TCF7L1: variants seen among roughly 807,000 people sequenced by gnomAD.
TCF7L1 encodes transcription factor 7 like 1, also known as transcription factor 7-like 1.
In TCF7L1, 18 loss-of-function variants were observed where a neutral mutation model predicts 63.7. The observed-to-expected ratio is 0.28, with a 90% CI of 0.20 to 0.42. The LOEUF is 0.42. Among genes scored for constraint, TCF7L1 ranks in the 10% least tolerant of loss-of-function variants. The pLI is 1.00. For missense variants in TCF7L1, 654 were observed against 779.3 expected (o/e 0.84, Z 1.91); for synonymous variants, 355 against 340.9 (o/e 1.04, Z -0.46).
At chr2:85,284,158 G>GCC (rs1681486878) in intron 4 of TCF7L1, among the ~76,000 whole-genome samples, 1 of 152,180 alleles carries the variant, frequency 6.6e-6, no homozygotes, top group Non-Finnish European at 1.5e-5. Context: ...CTACAGGCAT[G>GCC]TGCCACCACG....
chr2:85,238,067 G>T (rs1392122392), intron 3 of TCF7L1, among the ~76,000 whole-genome samples: 1 of 152,186 alleles, frequency 6.6e-6, no homozygotes, highest in Non-Finnish European at 1.5e-5. Flanking sequence ...TGGCTCAGTT[G>T]AAGCAGATGA....
chr2:85,181,097 T>C (rs781701978), intron 3 of TCF7L1, among the ~76,000 whole-genome samples: 6 of 152,202 alleles, frequency 3.9e-5, no homozygotes, highest in Non-Finnish European at 7.4e-5. Flanking sequence ...CCAGCTGCCC[T>C]GTGACCCCTC....
At chr2:85,217,292 T>A (rs1679732221) in intron 3 of TCF7L1, 1 of 152,222 alleles carries the variant, frequency 6.6e-6, no homozygotes, top group South Asian at 2.1e-4. Flanking sequence ...CCTGGCAAGT[T>A]ATACTGACTT....
At chr2:85,280,942 C>A (rs10206876) in intron 3 of TCF7L1, among the ~76,000 whole-genome samples, 42,804 of 151,622 alleles carry the variant, frequency 0.28, 6,390 homozygotes, top group East Asian at 0.57. Flanking sequence ...ATTTGAAGTC[C>A]AGAGACCTAG....
Position 85,204,556 on chromosome 2 carries a change from T to C in TCF7L1, c.441+70106T>C, listed in dbSNP as rs1350079403. On this transcript the variant is annotated intron_variant, in intron 3 of 11. Coordinates refer to ENST00000282111, the MANE Select transcript of TCF7L1 (RefSeq NM_031283.3). ...AGTATTTGTGCATTTTATTTTATTTTATTTTGTAGAGGCGGGGTCTTACTA... is the reference window on the plus strand; with the variant it reads ...AGTATTTGTGCATTTTATTTTATTTCATTTTGTAGAGGCGGGGTCTTACTA... 2.0e-5 allele frequency among the ~76,000 whole-genome samples: 3 copies of C among 152,310 alleles called. No individual in the cohort carries two copies. The East Asian group carries it at 5.8e-4, about 29-fold the overall frequency.
At chr2:85,165,960 G>A (rs543265296) in intron 3 of TCF7L1, among the ~76,000 whole-genome samples, 1 of 152,264 alleles carries the variant, frequency 6.6e-6, no homozygotes, top group East Asian at 1.9e-4. Flanking sequence ...TGTGTGGACA[G>A]GTCTATGCAG....
rs188072573 is a variant in TCF7L1 at position 85,217,502 on chromosome 2, C to T, written c.442-65993C>T. ...TCACAGCCTGTGTCCCAGCTTCTTC[C>T]CATGGGCACCATGCTCTTCAGCCAT... On this transcript the variant is annotated intron_variant, in intron 3 of 11. Transcript: ENST00000282111. 1.2e-4 allele frequency among the ~76,000 whole-genome samples: 19 copies of T among 152,324 alleles called. No individual in the cohort carries two copies. The East Asian group carries it at 3.7e-3, about 29-fold the overall frequency.
chr2:85,246,177 A>G (rs1245640359), intron 3 of TCF7L1, among the ~76,000 whole-genome samples: 1 of 152,246 alleles, frequency 6.6e-6, no homozygotes, highest in Non-Finnish European at 1.5e-5. Context: ...TCGAGGATGG[A>G]CATCTCAACA....
At chr2:85,186,257 G>A (rs754354213) in intron 3 of TCF7L1, among the ~76,000 whole-genome samples, 3 of 152,040 alleles carry the variant, frequency 2.0e-5, no homozygotes, top group Non-Finnish European at 4.4e-5. Flanking sequence ...GTGAGCCACC[G>A]CGCCCGGCCG....
chr2:85,169,579 A>G (rs72932665), intron 3 of TCF7L1, among the ~76,000 whole-genome samples: 5,948 of 152,020 alleles, frequency 0.039, 389 homozygotes, highest in African/African-American at 0.14. Context: ...TCATTTATCT[A>G]TGTGTGATTG....
intron 3 of TCF7L1, among the ~76,000 whole-genome samples, chr2:85,281,989 C>CT (rs112526651): frequency 0.23 from 34,471 of 151,266 alleles, 6,626 homozygotes; most frequent in African/African-American, 0.52. Context: ...TCAAAGGCTT[C>CT]TTTTTTTTTC....
intron 4 of TCF7L1, among the ~76,000 whole-genome samples, chr2:85,299,673 C>T (rs970691936): frequency 1.3e-5 from 2 of 151,878 alleles, no homozygotes; most frequent in East Asian, 3.9e-4. Flanking sequence ...TCGAGAACAG[C>T]CTGGGCAACA....
intron 3 of TCF7L1, among the ~76,000 whole-genome samples, chr2:85,227,691 C>G (rs965945596): frequency 7.9e-5 from 12 of 152,018 alleles, no homozygotes; most frequent in African/African-American, 2.9e-4. Flanking sequence ...ATTTCCCATC[C>G]TCCTTATAAG....
intron 4 of TCF7L1, among the ~76,000 whole-genome samples, chr2:85,299,860 A>AAAACACACACACACACACACACAC (rs563153471): frequency 1.1e-5 from 1 of 92,706 alleles, no homozygotes; most frequent in Admixed American, 1.2e-4. Context: ...CCTTGTCTCA[A>AAAACACACACACACACACACACAC]ACACACACAC....
At chr2:85,275,986 T>C (rs959016030) in intron 3 of TCF7L1, among the ~76,000 whole-genome samples, 2 of 151,490 alleles carry the variant, frequency 1.3e-5, no homozygotes, top group Non-Finnish European at 2.9e-5. Context: ...AAAAAATGTG[T>C]TTGGGATTTA....
chr2:85,276,339 G>A (rs920958580), intron 3 of TCF7L1, among the ~76,000 whole-genome samples: 3 of 152,164 alleles, frequency 2.0e-5, no homozygotes, highest in African/African-American at 7.2e-5. Flanking sequence ...CTACATTTAC[G>A]TATTCTCGGC....
intron 3 of TCF7L1, among the ~76,000 whole-genome samples, chr2:85,199,850 C>T (rs773673586): frequency 5.3e-5 from 8 of 152,190 alleles, no homozygotes; most frequent in Non-Finnish European, 1.0e-4. Context: ...AGTATACTCA[C>T]GGAGTTGTGC....
intron 3 of TCF7L1, among the ~76,000 whole-genome samples, chr2:85,239,950 AAAAAAAAAAAAC>A (rs1325988814): frequency 1.1e-4 from 17 of 151,706 alleles, no homozygotes; most frequent in Admixed American, 2.6e-4. Context: ...CATCTAAAAA[AAAAAAAAAAAAC>A]AAAAAAAAAA....
At chr2:85,184,710 G>T (rs950988497) in intron 3 of TCF7L1, among the ~76,000 whole-genome samples, 1 of 151,886 alleles carries the variant, frequency 6.6e-6, no homozygotes, top group Non-Finnish European at 1.5e-5. Context: ...TCTCTCAGGG[G>T]ATGCTGCTGT....
Sources: gnomAD v4.1 joint callset for allele counts (sites outside exome capture counted in the v4.1 genomes callset) on GRCh38, gnomAD v4.1.1 for gene constraint, MANE v1.5 for transcripts, NCBI Gene and HGNC (gene_info 2026-07-23, HGNC 2026-07-21) for gene names.